Variants in CTPS1 observed in about 807,000 individuals in gnomAD.
CTPS1 encodes the protein CTP synthase 1, also known as CTP synthetase 1.
In CTPS1, 25 loss-of-function variants were observed where a neutral mutation model predicts 80.5. That is an observed-to-expected ratio of 0.31 (90% CI 0.23 to 0.43). CTPS1 has a LOEUF of 0.43. Among genes scored for constraint, CTPS1 ranks in the 20% least tolerant of loss-of-function variants. CTPS1 has a pLI of 1.00. For synonymous variants in CTPS1, 267 were observed against 252.5 expected (o/e 1.06, Z -0.54); for missense variants, 442 against 725.7 (o/e 0.61, Z 4.49).
At chr1:40,991,135 AC>A (rs1239392671) in intron 5 of CTPS1, 29 bp from the exon 6 acceptor site, 1 of 1,331,198 alleles carries the variant, frequency 7.5e-7, no homozygotes, top group Non-Finnish European at 1.1e-6. Context: ...AGGGAAACTA[AC>A]TTTTTTTTTT....
chr1:40,996,406 C>A (rs1642753230), intron 8 of CTPS1, among the ~76,000 whole-genome samples: 1 of 152,146 alleles, frequency 6.6e-6, no homozygotes, highest in South Asian at 2.1e-4. Flanking sequence ...ACACGAATGG[C>A]TGACAGTGGC....
At chr1:40,993,342 C>T (rs114326608) in intron 7 of CTPS1, among the ~76,000 whole-genome samples, 94 of 152,186 alleles carry the variant, frequency 6.2e-4, no homozygotes, top group African/African-American at 2.2e-3. Context: ...TGAGCTACCA[C>T]GCCTGGCCTT....
chr1:40,985,022 AG>A (rs1200719446), intron 3 of CTPS1, 31 bp downstream of exon 3: 1 of 1,457,630 alleles, frequency 6.9e-7, no homozygotes, highest in Admixed American at 2.2e-5. Context: ...AAAGCTTAAA[AG>A]TCTTAACCAG....
chr1:41,009,723 C>T, intron 17 of CTPS1, 134 bp downstream of exon 17: 1 of 1,047,672 alleles, frequency 9.5e-7, no homozygotes, highest in Non-Finnish European at 1.4e-6. Context: ...AAAGTTTCCT[C>T]TCCTTTCCCG....
intron 1 of CTPS1, 32 bp from the exon 2 acceptor site, chr1:40,983,246 T>C (rs1315000813): frequency 5.0e-6 from 8 of 1,588,872 alleles, no homozygotes; most frequent in South Asian, 1.1e-5. Flanking sequence ...TTGAGATACA[T>C]TTATATCATC....
chr1:40,991,734 C>A, intron 6 of CTPS1, 31 bp from the exon 7 acceptor site: 1 of 1,517,562 alleles, frequency 6.6e-7, no homozygotes, highest in Non-Finnish European at 9.1e-7. Flanking sequence ...TTTTTTCCTT[C>A]TGTCTAAGCC....
intron 17 of CTPS1, 49 bp downstream of exon 17, chr1:41,009,638 T>C (rs1239860876): frequency 6.2e-7 from 1 of 1,604,906 alleles, no homozygotes; most frequent in East Asian, 2.2e-5. Flanking sequence ...TCTAGTCCTT[T>C]AGGTGGTCGC....
At chr1:41,005,091 T>C (rs577663634) in intron 12 of CTPS1, among the ~76,000 whole-genome samples, 3 of 151,964 alleles carry the variant, frequency 2.0e-5, no homozygotes, top group Non-Finnish European at 4.4e-5. Context: ...ATTGTGCCAC[T>C]GCACTCCATT....
At chr1:41,011,416 A>C (rs2148423281) in intron 18 of CTPS1, among the ~76,000 whole-genome samples, 1 of 152,276 alleles carries the variant, frequency 6.6e-6, no homozygotes, top group African/African-American at 2.4e-5. Flanking sequence ...TGACACTGTT[A>C]CGAGGTGCTG....
intron 10 of CTPS1, 74 bp downstream of exon 10, chr1:41,001,191 A>G: frequency 3.9e-6 from 4 of 1,027,450 alleles, no homozygotes; most frequent in Non-Finnish European, 1.4e-6. Flanking sequence ...TCTTGTTTTC[A>G]TGTGCCAGTA....
intron 12 of CTPS1, among the ~76,000 whole-genome samples, chr1:41,004,545 A>G (rs894946588): frequency 6.6e-6 from 1 of 152,138 alleles, no homozygotes; most frequent in Non-Finnish European, 1.5e-5. Flanking sequence ...ATGAGCTTAC[A>G]CTTCAGTTGA....
chr1:41,009,423 T>G, intron 16 of CTPS1, 22 bp from the exon 17 acceptor site: 2 of 1,538,860 alleles, frequency 1.3e-6, no homozygotes, highest in Middle Eastern at 1.7e-4. Flanking sequence ...ATGAAGCTGT[T>G]TCTTTTGAAT....
chr1:40,996,170 T>C (rs1423472551), intron 8 of CTPS1, 102 bp downstream of exon 8: 1 of 1,255,530 alleles, frequency 8.0e-7, no homozygotes, highest in Non-Finnish European at 1.1e-6. Context: ...TTTGCACTTC[T>C]GCCATCCACT....
intron 7 of CTPS1, among the ~76,000 whole-genome samples, chr1:40,993,083 C>G (rs1642657051): frequency 6.6e-6 from 1 of 151,730 alleles, no homozygotes; most frequent in Non-Finnish European, 1.5e-5. Context: ...GGAGTTTTCA[C>G]TTTTTCATCC....
chr1:41,006,183 A>T, intron 13 of CTPS1, 89 bp downstream of exon 13: 1 of 1,093,314 alleles, frequency 9.1e-7, no homozygotes, highest in Non-Finnish European at 1.4e-6. Flanking sequence ...ACAAGAAGTG[A>T]GACTGCTTGA....
Position 41,008,701 on chromosome 1 carries a change from G to A in CTPS1, c.1436G>A (p.Arg479His), listed in dbSNP as rs1643095921. 1.2e-6 allele frequency: 2 copies of A among 1,614,158 alleles called. No individual in the cohort carries two copies. The highest frequency in any genetic ancestry group is 8.5e-7 in the Non-Finnish European group (1 of 1,180,018). ...GDADYLEERH[R>H]HRFEVNPVWK... ...GCAGACTACTTGGAAGAGAGGCACC[G>A]CCACCGATTTGAGGTGAGGATTCCA... is the stretch of plus-strand genomic sequence containing the variant. Residue 479 changes from arginine (R) to histidine (H), a missense_variant, in exon 15 of 19, where the codon CGC (arginine) becomes CAC (histidine). By Grantham distance (29) the Arg-to-His change is conservative. Around this residue, in one of 4 missense-constraint regions of CTPS1, gnomAD observed 321 missense variants for 467.2 expected, o/e 0.69. Coordinates refer to ENST00000650070, the MANE Select transcript of CTPS1 (RefSeq NM_001905.4).
chr1:41,011,714 C>T lies in CTPS1; in HGVS notation c.*66C>T. 1 of 152,140 alleles carries T rather than the reference C, an allele frequency of 6.6e-6. No homozygotes were observed. The highest frequency in any genetic ancestry group is 1.5e-5 in the Non-Finnish European group (1 of 68,038). The allele number at this position is 152,140 out of a possible 1,614,324, so 9.4% of individuals were successfully genotyped here. A position where few individuals can be genotyped will look rare whatever the true frequency, so the allele number is the denominator to read the frequency against. On this transcript the variant is annotated 3_prime_UTR_variant, in exon 19 of 19. Coordinates refer to ENST00000650070, the MANE Select transcript of CTPS1 (RefSeq NM_001905.4). ...GGTAGAGTTTACAGCTCTGACTTTA[C>T]ACTCGGCTTTGGAGACTTTCTTTAA...
chr1:41,002,818 A>C (rs541437706), intron 11 of CTPS1, among the ~76,000 whole-genome samples: 4 of 152,160 alleles, frequency 2.6e-5, no homozygotes, highest in Non-Finnish European at 5.9e-5. Flanking sequence ...TGCACTCCAG[A>C]GTGGGCAACA....
Position 41,009,569 on chromosome 1 carries a change from A to G in CTPS1, c.1671A>G (p.Lys557=), listed in dbSNP as rs1184285717. The change falls in exon 17 of 19, where the codon AAA becomes AAG. Residue 557 remains lysine (K), a synonymous_variant. Coordinates refer to ENST00000650070, the MANE Select transcript of CTPS1 (RefSeq NM_001905.4). ...SVGRLSHYLQ[K]GCRLSPRDTY... ...GGCGGCTCTCACATTACCTCCAGAA[A>G]GGCTGCAGGCTCTCACCCAGGTAGG... 6.8e-6 allele frequency: 11 copies of G among 1,613,876 alleles called. No individual in the cohort carries two copies. Among genetic ancestry groups the G allele is most frequent in the African/African-American group, 4.0e-5 (3 of 74,868 alleles).
Sources: allele counts gnomAD v4.1 joint callset (sites outside exome capture counted in the v4.1 genomes callset), GRCh38; gene constraint gnomAD v4.1.1; regional missense constraint gnomAD v4.1.1; transcripts MANE v1.5; gene names NCBI Gene and HGNC (gene_info 2026-07-23, HGNC 2026-07-21).